Variants in SPOCK1 observed in about 807,000 individuals in gnomAD.
SPOCK1 encodes SPARC (osteonectin), cwcv and kazal like domains proteoglycan 1.
SPOCK1 carries 23 observed loss-of-function variants against 55.3 expected under a neutral mutation model. The observed-to-expected ratio is 0.42, with a 90% CI of 0.30 to 0.59. SPOCK1 has a LOEUF of 0.59. Among genes scored for constraint, SPOCK1 ranks in the 20% least tolerant of loss-of-function variants. The pLI is 0.22. For missense variants in SPOCK1, 499 were observed against 552.5 expected (o/e 0.90, Z 0.97); for synonymous variants, 226 against 221.0 (o/e 1.02, Z -0.20).
intron 2 of SPOCK1, among the ~76,000 whole-genome samples, chr5:137,482,612 A>G (rs1476089892): frequency 2.0e-5 from 3 of 152,152 alleles, no homozygotes; most frequent in Non-Finnish European, 2.9e-5. Flanking sequence ...ATGCTCCCCA[A>G]TACCCAGCCA....
At chr5:137,356,788 C>CA (rs1216483794) in intron 2 of SPOCK1, among the ~76,000 whole-genome samples, 2 of 72,408 alleles carry the variant, frequency 2.8e-5, no homozygotes, top group East Asian at 4.0e-4. Context: ...AAGACTGTCT[C>CA]AAAAAAAATA....
chr5:137,406,154 G>C (rs958185363), intron 2 of SPOCK1, among the ~76,000 whole-genome samples: 1 of 152,156 alleles, frequency 6.6e-6, no homozygotes, highest in Non-Finnish European at 1.5e-5. Context: ...ACCACTAACA[G>C]ATACTTATAG....
rs1364050957 is a variant in SPOCK1 at position 137,126,760 on chromosome 5, A to G, written c.347+13820T>C. On this transcript the variant is annotated intron_variant, in intron 4 of 10. Coordinates refer to ENST00000394945, the MANE Select transcript of SPOCK1 (RefSeq NM_004598.4). ...AGAACGAAACTCCATCTCAAAAAAT[A>G]AAGAAACTAGAGGAAAGGCCACTTT... Among the ~76,000 whole-genome samples the G allele has an allele frequency of 4.7e-5, 7 of 149,838 alleles. No homozygotes were observed. In the South Asian group the frequency reaches 1.1e-3, roughly 23 times the overall value.
chr5:137,282,820 A>C (rs1561492693), intron 2 of SPOCK1, among the ~76,000 whole-genome samples: 1 of 152,142 alleles, frequency 6.6e-6, no homozygotes, highest in Non-Finnish European at 1.5e-5. Context: ...AAAGGAGAAA[A>C]CCCAGAAATA....
intron 4 of SPOCK1, among the ~76,000 whole-genome samples, chr5:137,139,924 C>T (rs1043119257): frequency 1.3e-5 from 2 of 152,162 alleles, no homozygotes; most frequent in Non-Finnish European, 2.9e-5. Context: ...AGCCTAAATC[C>T]ACTGGATAGA....
chr5:137,185,730 CA>C (rs1221528205), intron 3 of SPOCK1, among the ~76,000 whole-genome samples: 2 of 152,006 alleles, frequency 1.3e-5, no homozygotes, highest in African/African-American at 4.8e-5. Flanking sequence ...GCTGTCTCAC[CA>C]AGGGGCAGAA....
intron 3 of SPOCK1, among the ~76,000 whole-genome samples, chr5:137,187,668 C>T (rs1188859348): frequency 1.3e-5 from 2 of 152,160 alleles, no homozygotes; most frequent in Non-Finnish European, 2.9e-5. Flanking sequence ...CACAACGGTA[C>T]GCTCACTCTA....
At chr5:137,257,026 G>C (rs1756648735) in intron 3 of SPOCK1, among the ~76,000 whole-genome samples, 1 of 152,190 alleles carries the variant, frequency 6.6e-6, no homozygotes, top group Non-Finnish European at 1.5e-5. Context: ...TCGTCAGCTA[G>C]AGTTGGGTCA....
chr5:137,294,899 T>A (rs1757448752), intron 2 of SPOCK1, among the ~76,000 whole-genome samples: 1 of 152,238 alleles, frequency 6.6e-6, no homozygotes, highest in Non-Finnish European at 1.5e-5. Flanking sequence ...CCAGCTGCCC[T>A]TTACAAATGA....
chr5:136,992,410 C>G, intron 7 of SPOCK1, 74 bp downstream of exon 7: 2 of 1,143,206 alleles, frequency 1.7e-6, no homozygotes, highest in East Asian at 2.6e-5. Flanking sequence ...GTGTTTTTCA[C>G]CCCCAAATGA....
At position 137,066,963 on chromosome 5, in the gene SPOCK1, TAC is replaced by T. The variant is rs147918575; in HGVS notation, c.589+750_589+751del. Among the ~76,000 whole-genome samples the T allele has an allele frequency of 8.2e-3, 1,041 of 126,348 alleles. 17 individuals are homozygous for T. Among genetic ancestry groups the T allele is most frequent in the African/African-American group, 0.028 (977 of 34,920 alleles). 82.9% of individuals were successfully genotyped at this position (126,348 alleles called of 152,430 possible). A position where few individuals can be genotyped will look rare whatever the true frequency, so the allele number is the denominator to read the frequency against. On this transcript the variant is annotated intron_variant, in intron 6 of 10. Transcript: ENST00000394945. ...ACTCCTAGATTTTAAAACATAAGCA[TAC>T]ACACACACACACACACACACACAGA...
intron 2 of SPOCK1, among the ~76,000 whole-genome samples, chr5:137,437,756 C>G (rs1388857677): frequency 2.0e-5 from 3 of 152,292 alleles, no homozygotes; most frequent in African/African-American, 7.2e-5. Flanking sequence ...AAATTATTCT[C>G]TTCTAGCTCT....
At chr5:137,480,954 TA>T (rs1414870178) in intron 2 of SPOCK1, among the ~76,000 whole-genome samples, 2 of 152,190 alleles carry the variant, frequency 1.3e-5, no homozygotes, top group African/African-American at 4.8e-5. Context: ...CATTGTGGGT[TA>T]TGATTTTGAG....
intron 2 of SPOCK1, among the ~76,000 whole-genome samples, chr5:137,487,214 T>C (rs1754076955): frequency 6.6e-6 from 1 of 151,600 alleles, no homozygotes; most frequent in African/African-American, 2.4e-5. Flanking sequence ...GTTTGTTCAG[T>C]GGGAATAGAA....
chr5:137,142,709 G>A (rs939748559), intron 3 of SPOCK1, among the ~76,000 whole-genome samples: 2 of 152,250 alleles, frequency 1.3e-5, no homozygotes, highest in Non-Finnish European at 1.5e-5. Context: ...GCAGGGCCCT[G>A]TGTCTGCCTT....
At chr5:137,350,957 A>C (rs1750666564) in intron 2 of SPOCK1, among the ~76,000 whole-genome samples, 1 of 152,224 alleles carries the variant, frequency 6.6e-6, no homozygotes, top group African/African-American at 2.4e-5. Flanking sequence ...TGTGTTTCAC[A>C]TGAAGGACAT....
chr5:137,014,110 A>G (rs1751405068), intron 6 of SPOCK1, among the ~76,000 whole-genome samples: 3 of 151,932 alleles, frequency 2.0e-5, no homozygotes, highest in Admixed American at 6.6e-5. Context: ...CATGATATTG[A>G]CTTCTTGCAA....
chr5:137,020,581 A>G (rs1751545905), intron 6 of SPOCK1, among the ~76,000 whole-genome samples: 1 of 151,986 alleles, frequency 6.6e-6, no homozygotes, highest in Admixed American at 6.6e-5. Context: ...ATGGTATAAA[A>G]TTAACAATTT....
intron 5 of SPOCK1, among the ~76,000 whole-genome samples, chr5:137,085,229 G>T (rs747719643): frequency 9.9e-5 from 15 of 152,138 alleles, no homozygotes; most frequent in Non-Finnish European, 1.9e-4. Flanking sequence ...CGCTCACAGG[G>T]CCAGTGACAA....
Sources: gnomAD v4.1 joint callset for allele counts (sites outside exome capture counted in the v4.1 genomes callset) on GRCh38, gnomAD v4.1.1 for gene constraint, MANE v1.5 for transcripts, NCBI Gene and HGNC (gene_info 2026-07-23, HGNC 2026-07-21) for gene names.